ZNF778: variants seen among roughly 807,000 people sequenced by gnomAD.
The protein encoded by ZNF778 is zinc finger protein 778.
In ZNF778, 37 loss-of-function variants were observed where a neutral mutation model predicts 23.9. That is an observed-to-expected ratio of 1.54 (90% CI 1.19 to 2.03). ZNF778 has a LOEUF of 2.03. ZNF778 is among the 30% of genes most tolerant of loss of function. The pLI, the probability that ZNF778 is intolerant of heterozygous loss-of-function variation, is 0.00. For synonymous variants in ZNF778, 483 were observed against 343.9 expected, an observed-to-expected ratio of 1.40 and a Z score of -4.48; for missense variants, 1,297 against 934.4, an observed-to-expected ratio of 1.39 and a Z score of -5.06.
At position 89,232,830 on chromosome 16, in the gene ZNF778, T is replaced by C; in HGVS notation, c.*4268T>C. On this transcript the variant is annotated 3_prime_UTR_variant, in exon 7 of 7. Transcript: ENST00000433976. ...CATATGCAACTCAACTCACACCGTATATGCAACTCAACTCACACCGTGTAT... is the reference window on the plus strand; with the variant it reads ...CATATGCAACTCAACTCACACCGTACATGCAACTCAACTCACACCGTGTAT... 1.6e-6 allele frequency: 2 copies of C among 1,288,964 alleles called. No homozygotes were observed. The highest frequency in any genetic ancestry group is 2.5e-5 in the South Asian group (2 of 80,986). 79.8% of individuals were successfully genotyped at this position (1,288,964 alleles called of 1,614,324 possible). A position where few individuals can be genotyped will look rare whatever the true frequency, so the allele number is the denominator to read the frequency against.
At chr16:89,222,387 G>A (rs939616820) in intron 3 of ZNF778, among the ~76,000 whole-genome samples, 2 of 151,546 alleles carry the variant, frequency 1.3e-5, no homozygotes, top group East Asian at 1.9e-4. Context: ...TTTTTGAGAC[G>A]GAGTCTCGCT....
At position 89,226,819 on chromosome 16, in the gene ZNF778, T is replaced by C. The variant is rs1278404153; in HGVS notation, c.531T>C (p.His177=). ...QNTGDSCVSN[H]YERDFFIPCQ... Reference sequence around the variant, plus strand: ...CAGGAGACAGTTGTGTGTCTAATCATTATGAAAGGGACTTTTTTATTCCAT... The same window carrying C: ...CAGGAGACAGTTGTGTGTCTAATCACTATGAAAGGGACTTTTTTATTCCAT... The change falls in exon 7 of 7, where the codon CAT becomes CAC. Residue 177 remains histidine (H), a synonymous_variant. Transcript: ENST00000433976. 6.2e-7 allele frequency: 1 copy of C among 1,613,988 alleles called. No individual in the cohort carries two copies. Among genetic ancestry groups the C allele is most frequent in the Non-Finnish European group, 8.5e-7 (1 of 1,179,884 alleles).
In ZNF778 at chr16:89,230,424, C is replaced by T. The variant is rs1357091924; in HGVS notation, c.*1862C>T. 1 of 152,224 alleles carries T rather than the reference C, an allele frequency of 6.6e-6. No homozygotes were observed. Among genetic ancestry groups the T allele is most frequent in the East Asian group, 1.9e-4 (1 of 5,196 alleles). The allele number at this position is 152,224 out of a possible 1,614,324, so 9.4% of individuals were successfully genotyped here. Reference sequence around the variant, plus strand: ...TCCTGGCAGCTGCTGCAATCTGGCACTCCTGGGGCAGCTGCTGCGATCCGG... The same window carrying T: ...TCCTGGCAGCTGCTGCAATCTGGCATTCCTGGGGCAGCTGCTGCGATCCGG... On this transcript the variant is annotated 3_prime_UTR_variant, in exon 7 of 7. Transcript: ENST00000433976.
chr16:89,225,446 C>A, intron 5 of ZNF778, 109 bp from the exon 6 acceptor site: 2 of 867,936 alleles, frequency 2.3e-6, no homozygotes, highest in Non-Finnish European at 3.6e-6. Flanking sequence ...TTACACATAG[C>A]CAAACTCCTT....
At position 89,227,732 on chromosome 16, in the gene ZNF778, T is replaced by G; in HGVS notation, c.1444T>G (p.Cys482Gly). ...TGEKPYECKD[C>G]GKSFTVSSSL... ...AGAGAAACCATATGAATGTAAAGAT[T>G]GTGGGAAATCCTTCACTGTTTCTTC... The change falls in exon 7 of 7, where the codon TGT (cysteine) becomes GGT (glycine). Residue 482 changes from cysteine (C) to glycine (G), a missense_variant. Transcript: ENST00000433976. The G allele has an allele frequency of 6.2e-7, 1 of 1,614,142 alleles. No homozygotes were observed. Among genetic ancestry groups the G allele is most frequent in the Non-Finnish European group, 8.5e-7 (1 of 1,180,018 alleles).
At position 89,228,974 on chromosome 16, in the gene ZNF778, G is replaced by T. The variant is rs115118403; in HGVS notation, c.*412G>T. The T allele has an allele frequency of 1.0e-6, 1 of 998,554 alleles. No individual in the cohort carries two copies. The highest frequency in any genetic ancestry group is 1.2e-6 in the Non-Finnish European group (1 of 838,152). 61.9% of individuals were successfully genotyped at this position (998,554 alleles called of 1,614,324 possible). On this transcript the variant is annotated 3_prime_UTR_variant, in exon 7 of 7. Transcript: ENST00000433976. ...GATTGACACTTGAAGTGTTGTGAAT[G>T]TATGGAAGATAGCAGTCGCTTCCCT...
At chr16:89,220,830 T>C (rs4785772) in intron 1 of ZNF778, among the ~76,000 whole-genome samples, 167 bp from the exon 2 acceptor site, 122,119 of 152,190 alleles carry the variant, frequency 0.8, 51,343 homozygotes, top group Non-Finnish European at 0.92. Flanking sequence ...AAGGCTTCTG[T>C]TGTGTCTTTT....
At chr16:89,224,401 C>G (rs1316560964) in intron 4 of ZNF778, among the ~76,000 whole-genome samples, 1 of 152,190 alleles carries the variant, frequency 6.6e-6, no homozygotes, top group African/African-American at 2.4e-5. Flanking sequence ...GGGCGGATCA[C>G]AAGGTCAGGA....
In ZNF778 at chr16:89,229,868, A is replaced by C; in HGVS notation, c.*1306A>C. On this transcript the variant is annotated 3_prime_UTR_variant, in exon 7 of 7. Coordinates refer to ENST00000433976, the MANE Select transcript of ZNF778 (RefSeq NM_001201407.2). ...CGTAGGCTCTGGTTGGTTAGTCTTG[A>C]GGATCCAGATGTGATCCTGTGTGAG... is the stretch of plus-strand genomic sequence containing the variant. 1 of 977,608 alleles carries C rather than the reference A, an allele frequency of 1.0e-6. No individual in the cohort carries two copies. Among genetic ancestry groups the C allele is most frequent in the East Asian group, 1.2e-4 (1 of 8,378 alleles). The allele number at this position is 977,608 out of a possible 1,614,324, so 60.6% of individuals were successfully genotyped here.
rs1008342909 is a variant in ZNF778, at chr16:89,233,689, T to C, written c.*5127T>C. ...CTCGCACTGCGTATGCAAATCAACTTACTGCATATGCAACTCAACTCACTG... is the reference window on the plus strand; with the variant it reads ...CTCGCACTGCGTATGCAAATCAACTCACTGCATATGCAACTCAACTCACTG... On this transcript the variant is annotated 3_prime_UTR_variant, in exon 7 of 7. Coordinates refer to ENST00000433976, the MANE Select transcript of ZNF778 (RefSeq NM_001201407.2). The C allele has an allele frequency of 1.1e-4, 140 of 1,268,544 alleles. 2 individuals carry two copies. The highest frequency in any genetic ancestry group is 7.2e-4 in the South Asian group (57 of 78,874). The allele number at this position is 1,268,544 out of a possible 1,614,324, so 78.6% of individuals were successfully genotyped here. A position where few individuals can be genotyped will look rare whatever the true frequency, so the allele number is the denominator to read the frequency against.
rs2031778253 is a variant in ZNF778, at chr16:89,229,339, G to C, written c.*777G>C. The stretch of plus-strand genomic sequence containing the variant: ...GTAAGCTCTGGTTGGTTAGTCTTCA[G>C]GATCCAGATGTGATCTTGTGTGAGC... On this transcript the variant is annotated 3_prime_UTR_variant, in exon 7 of 7. Coordinates refer to ENST00000433976, the MANE Select transcript of ZNF778 (RefSeq NM_001201407.2). 1 of 985,200 alleles carries C rather than the reference G, an allele frequency of 1.0e-6. No homozygotes were observed. The highest frequency in any genetic ancestry group is 6.2e-5 in the Admixed American group (1 of 16,258). 61.0% of individuals were successfully genotyped at this position (985,200 alleles called of 1,614,324 possible). A position where few individuals can be genotyped will look rare whatever the true frequency, so the allele number is the denominator to read the frequency against.
Position 89,229,353 on chromosome 16 carries a change from T to C in ZNF778, c.*791T>C, listed in dbSNP as rs909704274. ...GTTAGTCTTCAGGATCCAGATGTGATCTTGTGTGAGCACTGTAGGCTCTGG... is the reference window on the plus strand; with the variant it reads ...GTTAGTCTTCAGGATCCAGATGTGACCTTGTGTGAGCACTGTAGGCTCTGG... On this transcript the variant is annotated 3_prime_UTR_variant, in exon 7 of 7. Transcript: ENST00000433976. 1.0e-6 allele frequency: 1 copy of C among 984,268 alleles called. No individual in the cohort carries two copies. Among genetic ancestry groups the C allele is most frequent in the African/African-American group, 1.8e-5 (1 of 56,552 alleles). 61.0% of individuals were successfully genotyped at this position (984,268 alleles called of 1,614,324 possible). A position where few individuals can be genotyped will look rare whatever the true frequency, so the allele number is the denominator to read the frequency against.
chr16:89,233,585 A>G lies in ZNF778; in HGVS notation c.*5023A>G. ...GCAACTCAGCTCGCACTGCATATGC[A>G]ACGCAACTCAACTCATACTGCATAT... On this transcript the variant is annotated 3_prime_UTR_variant, in exon 7 of 7. Transcript: ENST00000433976. 5.3e-6 allele frequency: 6 copies of G among 1,125,798 alleles called. No homozygotes were observed. Among genetic ancestry groups the G allele is most frequent in the Non-Finnish European group, 6.9e-6 (6 of 863,634 alleles). The allele number at this position is 1,125,798 out of a possible 1,614,324, so 69.7% of individuals were successfully genotyped here. A position where few individuals can be genotyped will look rare whatever the true frequency, so the allele number is the denominator to read the frequency against.
chr16:89,219,622 G>A (rs979181220), intron 1 of ZNF778, among the ~76,000 whole-genome samples: 1 of 152,218 alleles, frequency 6.6e-6, no homozygotes, highest in African/African-American at 2.4e-5. Context: ...AGTCTTATCA[G>A]TGCTTGCCAG....
chr16:89,232,640 ATGTT>A lies in ZNF778; in HGVS notation c.*4080_*4083del. The A allele has an allele frequency of 6.7e-6, 7 of 1,049,382 alleles. No homozygotes were observed. Among genetic ancestry groups the A allele is most frequent in the Non-Finnish European group, 8.0e-6 (7 of 878,902 alleles). The allele number at this position is 1,049,382 out of a possible 1,614,324, so 65.0% of individuals were successfully genotyped here. A position where few individuals can be genotyped will look rare whatever the true frequency, so the allele number is the denominator to read the frequency against. Reference sequence around the variant, plus strand: ...TATTAAAGGACCAATTGTATTAATTATGTTTTTTTTTTTTTTGTTAGGGTACATT... The same window carrying A: ...TATTAAAGGACCAATTGTATTAATTATTTTTTTTTTTTGTTAGGGTACATT... On this transcript the variant is annotated 3_prime_UTR_variant, in exon 7 of 7. Coordinates refer to ENST00000433976, the MANE Select transcript of ZNF778 (RefSeq NM_001201407.2).
chr16:89,229,110 T>A lies in ZNF778; in HGVS notation c.*548T>A, dbSNP rs1423889219. 9.1e-6 allele frequency: 9 copies of A among 986,040 alleles called. No homozygotes were observed. The highest frequency in any genetic ancestry group is 1.1e-5 in the Non-Finnish European group (9 of 830,486). The allele number at this position is 986,040 out of a possible 1,614,324, so 61.1% of individuals were successfully genotyped here. On this transcript the variant is annotated 3_prime_UTR_variant, in exon 7 of 7. Coordinates refer to ENST00000433976, the MANE Select transcript of ZNF778 (RefSeq NM_001201407.2). ...GATCATTCTTGGAGTGAGGACTCTG[T>A]TCCCTGTAGAAATCCTCCAGTCTGG...
rs540637883 is a variant in ZNF778, at chr16:89,225,111, GTTTTTTTTT to G, written c.328+323_328+331del. ...GCTGTTTTGTTCTTTCAGTTTGTGG[GTTTTTTTTT>G]TTTTTTTTTTTTTGAGACGGAGTCT... On this transcript the variant is annotated intron_variant, in intron 5 of 6. Coordinates refer to ENST00000433976, the MANE Select transcript of ZNF778 (RefSeq NM_001201407.2). Among the ~76,000 whole-genome samples, 18 of 33,900 alleles carry G rather than the reference GTTTTTTTTT, an allele frequency of 5.3e-4. No homozygotes were observed. The South Asian group carries it at 0.021, about 39-fold the overall frequency. 22.2% of individuals were successfully genotyped at this position (33,900 alleles called of 152,430 possible).
intron 4 of ZNF778, 164 bp from the exon 5 acceptor site, chr16:89,224,555 G>A (rs1031406688): frequency 1.7e-5 from 9 of 531,092 alleles, no homozygotes; most frequent in African/African-American, 5.7e-5. Context: ...GGAGGCAGAC[G>A]TTGCAGTGAG....
At chr16:89,223,067 T>G in intron 3 of ZNF778, 90 bp from the exon 4 acceptor site, 1 of 1,478,502 alleles carries the variant, frequency 6.8e-7, no homozygotes, top group African/African-American at 1.4e-5. Context: ...GGCCTCACAG[T>G]CCCATAGGCG....
Sources: gnomAD v4.1 joint callset for allele counts (sites outside exome capture counted in the v4.1 genomes callset) on GRCh38, gnomAD v4.1.1 for gene constraint, MANE v1.5 for transcripts, NCBI Gene and HGNC (gene_info 2026-07-23, HGNC 2026-07-21) for gene names.